ZC3H8: variants seen among roughly 807,000 people sequenced by gnomAD.
The protein encoded by ZC3H8 is zinc finger CCCH domain-containing protein 8.
Under a neutral mutation model 42.5 loss-of-function variants are expected in ZC3H8, and 27 were observed. The ratio of observed to expected loss-of-function variants is 0.64; its 90% confidence interval spans 0.47 to 0.88. The LOEUF (loss-of-function observed/expected upper bound fraction) is 0.88, where lower values mean the gene tolerates loss of function less well. Among genes scored for constraint, ZC3H8 ranks in the 40% least tolerant of loss-of-function variants. The probability of loss-of-function intolerance (pLI) is 0.00; values close to 1 mark genes in which losing one functional copy is unlikely to be tolerated. For missense variants in ZC3H8, 277 were observed against 336.1 expected (o/e 0.82, Z 1.37); for synonymous variants, 101 against 110.1 (o/e 0.92, Z 0.52).
chr2:112,253,933 T>C (rs1380859908), intron 1 of ZC3H8: 3 of 172,030 alleles, frequency 1.7e-5, no homozygotes, highest in Non-Finnish European at 3.5e-5. Context: ...AGCTTGGTGA[T>C]AAAATCATGG....
At chr2:112,243,909 T>C (rs939159570) in intron 2 of ZC3H8, among the ~76,000 whole-genome samples, 2 of 151,890 alleles carry the variant, frequency 1.3e-5, no homozygotes, top group African/African-American at 4.8e-5. Context: ...TTAAAAAATA[T>C]ATTCAAAAAC....
Position 112,238,307 on chromosome 2 carries a change from A to G in ZC3H8, c.370+8T>C. The G allele has an allele frequency of 2.5e-6, 4 of 1,610,088 alleles. No individual in the cohort carries two copies. The highest frequency in any genetic ancestry group is 2.5e-6 in the Non-Finnish European group (3 of 1,178,698). On this transcript the variant is annotated splice_region_variant and intron_variant, in intron 3 of 8. Transcript: ENST00000409573. ...AAACTTTAAATGATAAAATAGTTTG[A>G]CTCTTACCCTGTGGGGTATCTTTTA...
chr2:112,239,146 C>T (rs1457603106), intron 2 of ZC3H8, among the ~76,000 whole-genome samples: 1 of 152,198 alleles, frequency 6.6e-6, no homozygotes, highest in Non-Finnish European at 1.5e-5. Context: ...TCTGTTGTTG[C>T]ACGTGCCCAA....
intron 2 of ZC3H8, among the ~76,000 whole-genome samples, chr2:112,245,381 C>T (rs1685720905): frequency 6.6e-6 from 1 of 152,184 alleles, no homozygotes; most frequent in African/African-American, 2.4e-5. Flanking sequence ...AGGCCAGGCG[C>T]GGTGGCTCAC....
At chr2:112,245,279 G>C (rs1242909640) in intron 2 of ZC3H8, among the ~76,000 whole-genome samples, 2 of 152,254 alleles carry the variant, frequency 1.3e-5, no homozygotes, top group Admixed American at 6.5e-5. Context: ...AAAAAGGTGA[G>C]GAAGCTGCAG....
intron 5 of ZC3H8, 56 bp downstream of exon 5, chr2:112,234,064 C>T: frequency 9.7e-7 from 1 of 1,030,238 alleles, no homozygotes; most frequent in Non-Finnish European, 1.4e-6. Context: ...AAAAGAGTAT[C>T]AAACAGAAAG....
At chr2:112,243,759 T>C (rs1317869931) in intron 2 of ZC3H8, among the ~76,000 whole-genome samples, 1 of 152,154 alleles carries the variant, frequency 6.6e-6, no homozygotes, top group East Asian at 1.9e-4. Flanking sequence ...TTTATTGTCT[T>C]GTCCTTTATA....
rs536232482 is a variant in ZC3H8 at position 112,212,402 on chromosome 2, T to C, written c.*4082A>G. ...ATGTGTGCTCTTTGCAGGAGCTGAATACAATGAATGTAGTTTTTGGTGAAG... is the reference window on the plus strand; with the variant it reads ...ATGTGTGCTCTTTGCAGGAGCTGAACACAATGAATGTAGTTTTTGGTGAAG... On this transcript the variant is annotated 3_prime_UTR_variant, in exon 9 of 9. Coordinates refer to ENST00000409573, the MANE Select transcript of ZC3H8 (RefSeq NM_032494.3). The C allele has an allele frequency of 2.0e-5, 3 of 152,356 alleles. No individual in the cohort carries two copies. In the East Asian group the frequency reaches 5.8e-4, roughly 29 times the overall value. The allele number at this position is 152,356 out of a possible 1,614,324, so 9.4% of individuals were successfully genotyped here. A position where few individuals can be genotyped will look rare whatever the true frequency, so the allele number is the denominator to read the frequency against.
chr2:112,254,652 C>T (rs985162583), intron 1 of ZC3H8, among the ~76,000 whole-genome samples: 1 of 152,228 alleles, frequency 6.6e-6, no homozygotes. Flanking sequence ...GCCTCCACCC[C>T]GCTCCCCCGC....
At chr2:112,225,692 T>C (rs140981651) in intron 8 of ZC3H8, among the ~76,000 whole-genome samples, 160 of 152,000 alleles carry the variant, frequency 1.1e-3, no homozygotes, top group African/African-American at 3.7e-3. Flanking sequence ...TGGTAAGTGC[T>C]TGTAGTCCCA....
At chr2:112,224,625 C>A (rs992174747) in intron 8 of ZC3H8, among the ~76,000 whole-genome samples, 2 of 152,090 alleles carry the variant, frequency 1.3e-5, no homozygotes, top group Non-Finnish European at 2.9e-5. Context: ...TATATCCATA[C>A]AAAAGAACAC....
At chr2:112,245,190 C>T (rs1685712701) in intron 2 of ZC3H8, among the ~76,000 whole-genome samples, 1 of 152,228 alleles carries the variant, frequency 6.6e-6, no homozygotes, top group Non-Finnish European at 1.5e-5. Flanking sequence ...GATAGAAGAT[C>T]AAACCAGTCA....
At chr2:112,236,816 G>A in intron 3 of ZC3H8, 121 bp from the exon 4 acceptor site, 2 of 909,228 alleles carry the variant, frequency 2.2e-6, no homozygotes, top group Non-Finnish European at 3.3e-6. Context: ...GGAGGCTGAG[G>A]CAGGAGGACT....
At chr2:112,246,583 G>A (rs572122031) in intron 2 of ZC3H8, among the ~76,000 whole-genome samples, 29 of 152,180 alleles carry the variant, frequency 1.9e-4, no homozygotes, top group Non-Finnish European at 3.5e-4. Flanking sequence ...AAAAGCAAGA[G>A]AACTAGAATT....
chr2:112,249,621 A>G (rs1685877064), intron 2 of ZC3H8, among the ~76,000 whole-genome samples: 1 of 151,768 alleles, frequency 6.6e-6, no homozygotes, highest in African/African-American at 2.4e-5. Context: ...ATTTTTTTGT[A>G]TTTTTAGTAG....
At chr2:112,233,031 TA>T (rs1685159842) in intron 6 of ZC3H8, among the ~76,000 whole-genome samples, 1 of 152,216 alleles carries the variant, frequency 6.6e-6, no homozygotes, top group South Asian at 2.1e-4. Flanking sequence ...GGACCCTCTA[TA>T]CCACCCAGGT....
chr2:112,226,780 A>T (rs1341384093), intron 8 of ZC3H8, among the ~76,000 whole-genome samples: 1 of 152,052 alleles, frequency 6.6e-6, no homozygotes, highest in Non-Finnish European at 1.5e-5. Flanking sequence ...CTACACATGA[A>T]TATCCCTCAT....
intron 7 of ZC3H8, among the ~76,000 whole-genome samples, 168 bp from the exon 8 acceptor site, chr2:112,231,118 C>A (rs951882733): frequency 2.0e-5 from 3 of 152,046 alleles, no homozygotes; most frequent in African/African-American, 7.2e-5. Context: ...ATATATATCA[C>A]TTTTCCATAT....
intron 2 of ZC3H8, among the ~76,000 whole-genome samples, chr2:112,239,860 C>T (rs1685510372): frequency 1.3e-5 from 2 of 152,202 alleles, no homozygotes; most frequent in Non-Finnish European, 2.9e-5. Context: ...GCTAGGATTA[C>T]AGCCATGAGC....
Sources: gnomAD v4.1 joint callset for allele counts (sites outside exome capture counted in the v4.1 genomes callset) on GRCh38, gnomAD v4.1.1 for gene constraint, MANE v1.5 for transcripts, NCBI Gene and HGNC (gene_info 2026-07-23, HGNC 2026-07-21) for gene names.